The following BCAS3 variants were observed in gnomAD, a reference collection of about 807,000 sequenced individuals.
BCAS3 encodes BCAS3 microtubule associated cell migration factor.
BCAS3 carries 53 observed loss-of-function variants against 116.1 expected under a neutral mutation model. That is an observed-to-expected ratio of 0.46 (90% CI 0.37 to 0.57). The LOEUF (loss-of-function observed/expected upper bound fraction) is 0.57. Among genes scored for constraint, BCAS3 ranks in the 20% least tolerant of loss-of-function variants. The pLI is 0.00. For missense variants in BCAS3, 917 were observed against 1,165.4 expected, an observed-to-expected ratio of 0.79 and a Z score of 3.10; for synonymous variants, 391 against 408.2, an observed-to-expected ratio of 0.96 and a Z score of 0.51.
intron 6 of BCAS3, among the ~76,000 whole-genome samples, chr17:60,753,756 G>A (rs2042725901): frequency 6.6e-6 from 1 of 152,138 alleles, no homozygotes; most frequent in South Asian, 2.1e-4. Flanking sequence ...TGGTCAGGAA[G>A]TAGTTCTTCC....
chr17:60,950,983 A>C (rs1417206370), intron 14 of BCAS3, among the ~76,000 whole-genome samples: 2 of 152,186 alleles, frequency 1.3e-5, no homozygotes, highest in African/African-American at 4.8e-5. Flanking sequence ...ATTTTTATTT[A>C]AATTGCATTG....
Position 61,199,559 on chromosome 17 carries a change from C to T in BCAS3, c.2425+114995C>T, listed in dbSNP as rs1363282652. Among the ~76,000 whole-genome samples the T allele has an allele frequency of 6.6e-6, 1 of 152,132 alleles. No homozygotes were observed. Among genetic ancestry groups the T allele is most frequent in the Non-Finnish European group, 1.5e-5 (1 of 68,034 alleles). On this transcript the variant is annotated intron_variant, in intron 22 of 23. Coordinates refer to ENST00000407086, the MANE Select transcript of BCAS3 (RefSeq NM_017679.5). This position sits in a 1 kb window ranked among gnomAD's most constrained non-coding sequence, Gnocchi z 4.6. ...CCTTCTAATTTGTGCCCTGACTGCA[C>T]CTTGTGAAAGGTTAGAACTGGGATA...
intron 14 of BCAS3, among the ~76,000 whole-genome samples, chr17:60,976,020 C>CTTTATTTTTTTTTTTTT (rs2062325882): frequency 1.0e-5 from 1 of 98,286 alleles, no homozygotes; most frequent in Non-Finnish European, 1.8e-5. Context: ...TAGATTTTTG[C>CTTTATTTTTTTTTTTTT]TTTTTTTTTT....
chr17:60,860,603 A>G (rs1261005409), intron 7 of BCAS3, among the ~76,000 whole-genome samples: 1 of 152,132 alleles, frequency 6.6e-6, no homozygotes, highest in African/African-American at 2.4e-5. Context: ...TAGACTTTTT[A>G]TAGCATTATG....
At chr17:60,807,093 A>AT (rs905351479) in intron 6 of BCAS3, among the ~76,000 whole-genome samples, 73 of 150,788 alleles carry the variant, frequency 4.8e-4, no homozygotes, top group African/African-American at 1.5e-3. Context: ...TATTTTTGTT[A>AT]TTTTTTTTTG....
chr17:60,932,976 A>T (rs1431562947), intron 13 of BCAS3, among the ~76,000 whole-genome samples: 1 of 152,052 alleles, frequency 6.6e-6, no homozygotes, highest in Non-Finnish European at 1.5e-5. Flanking sequence ...GGAGTTCGAG[A>T]CCAGCCTGGC....
intron 22 of BCAS3, among the ~76,000 whole-genome samples, chr17:61,169,692 C>G (rs774584176): frequency 2.6e-5 from 4 of 152,016 alleles, no homozygotes; most frequent in Non-Finnish European, 4.4e-5. Context: ...ATTTTAAAGA[C>G]CATTTGATTT....
Position 61,361,442 on chromosome 17 carries a change from A to G in BCAS3, c.2426-6885A>G, listed in dbSNP as rs1037037334. The stretch of plus-strand genomic sequence containing the variant: ...TTTCCCTGGCTCAGGACCATGCGAT[A>G]TGATACACATAATATATAACATAAT... On this transcript the variant is annotated intron_variant, in intron 22 of 23. Coordinates refer to ENST00000407086, the MANE Select transcript of BCAS3 (RefSeq NM_017679.5). The surrounding 1 kb of genome is among the most constrained non-coding windows in gnomAD (Gnocchi z 6.5). 6.6e-6 allele frequency among the ~76,000 whole-genome samples: 1 copy of G among 152,198 alleles called. No homozygotes were observed. Among genetic ancestry groups the G allele is most frequent in the Middle Eastern group, 3.2e-3 (1 of 316 alleles).
At chr17:60,975,785 C>G (rs2062305653) in intron 14 of BCAS3, among the ~76,000 whole-genome samples, 1 of 152,140 alleles carries the variant, frequency 6.6e-6, no homozygotes, top group Admixed American at 6.5e-5. Context: ...AAAATGGAAT[C>G]ATACAATATG....
In BCAS3 at chr17:60,967,130, T is replaced by C. The variant is rs2061702871; in HGVS notation, c.1221+19778T>C. ...TATTTTGTGTTTCACCATGTACTTT[T>C]TACCAGTGGGTTTTATACCTTGAAA... On this transcript the variant is annotated intron_variant, in intron 14 of 23. Transcript: ENST00000407086. The surrounding 1 kb of genome is among the most constrained non-coding windows in gnomAD (Gnocchi z 4.7). 1.3e-5 allele frequency among the ~76,000 whole-genome samples: 2 copies of C among 152,252 alleles called. No homozygotes were observed. The highest frequency in any genetic ancestry group is 2.9e-5 in the Non-Finnish European group (2 of 68,042).
In BCAS3 at chr17:61,128,231, C is replaced by A; in HGVS notation, c.2425+43667C>A. On this transcript the variant is annotated intron_variant, in intron 22 of 23. Coordinates refer to ENST00000407086, the MANE Select transcript of BCAS3 (RefSeq NM_017679.5). This position sits in a 1 kb window ranked among gnomAD's most constrained non-coding sequence, Gnocchi z 4.1. ...CAAGGATGAGTACATGAAGATGAAG[C>A]CCATGCAATGAGGACAGCCTAGGCC... is the stretch of plus-strand genomic sequence containing the variant. The A allele has an allele frequency of 1.0e-6, 1 of 985,400 alleles. No individual in the cohort carries two copies. Among genetic ancestry groups the A allele is most frequent in the South Asian group, 4.7e-5 (1 of 21,284 alleles). 61.0% of individuals were successfully genotyped at this position (985,400 alleles called of 1,614,324 possible).
At chr17:61,090,508 T>G (rs940065240) in intron 22 of BCAS3, among the ~76,000 whole-genome samples, 3 of 152,242 alleles carry the variant, frequency 2.0e-5, no homozygotes, top group African/African-American at 7.2e-5. Context: ...AAATTAATTC[T>G]AATCTTTCGA....
At position 61,021,216 on chromosome 17, in the gene BCAS3, T is replaced by A. The variant is rs1380182008; in HGVS notation, c.1637+5315T>A. ...GACTACAAGTGGGTGTGTGCCACCA[T>A]GCCTGTCTAAGTTTTGTATTTTTTG... On this transcript the variant is annotated intron_variant, in intron 16 of 23. Transcript: ENST00000407086. The surrounding 1 kb of genome is among the most constrained non-coding windows in gnomAD (Gnocchi z 4.6). Among the ~76,000 whole-genome samples, 1 of 152,068 alleles carries A rather than the reference T, an allele frequency of 6.6e-6. No individual in the cohort carries two copies. The highest frequency in any genetic ancestry group is 2.4e-5 in the African/African-American group (1 of 41,392).
chr17:60,970,546 T>C lies in BCAS3; in HGVS notation c.1222-19425T>C, dbSNP rs186958026. On this transcript the variant is annotated intron_variant, in intron 14 of 23. Coordinates refer to ENST00000407086, the MANE Select transcript of BCAS3 (RefSeq NM_017679.5). ...TAAGAATATTGGAAATTCAACTATA[T>C]TAGTATCAACTAAAATAGAATTTAA... 4.6e-5 allele frequency among the ~76,000 whole-genome samples: 7 copies of C among 152,272 alleles called. No homozygotes were observed. The East Asian group carries it at 1.3e-3, about 29-fold the overall frequency.
At chr17:61,031,743 ACT>A (rs905017343) in intron 16 of BCAS3, among the ~76,000 whole-genome samples, 12 of 151,998 alleles carry the variant, frequency 7.9e-5, no homozygotes, top group Admixed American at 4.6e-4. Context: ...CAGGGTGAAA[ACT>A]CTTTTGACTC....
Position 61,128,487 on chromosome 17 carries a change from C to A in BCAS3, c.2425+43923C>A. 1.0e-6 allele frequency: 1 copy of A among 985,364 alleles called. No individual in the cohort carries two copies. The highest frequency in any genetic ancestry group is 4.7e-5 in the South Asian group (1 of 21,280). The allele number at this position is 985,364 out of a possible 1,614,324, so 61.0% of individuals were successfully genotyped here. A position where few individuals can be genotyped will look rare whatever the true frequency, so the allele number is the denominator to read the frequency against. On this transcript the variant is annotated intron_variant, in intron 22 of 23. Coordinates refer to ENST00000407086, the MANE Select transcript of BCAS3 (RefSeq NM_017679.5). The surrounding 1 kb of genome is among the most constrained non-coding windows in gnomAD (Gnocchi z 4.1). ...GGAGAATGTTCTGTGTTTTCAAAGACAGAGGTTAACAAGCAATGGACAAAC... is the reference window on the plus strand; with the variant it reads ...GGAGAATGTTCTGTGTTTTCAAAGAAAGAGGTTAACAAGCAATGGACAAAC...
In BCAS3 at chr17:61,021,827, A is replaced by G. The variant is rs1045526272; in HGVS notation, c.1637+5926A>G. Among the ~76,000 whole-genome samples, 3 of 152,242 alleles carry G rather than the reference A, an allele frequency of 2.0e-5. No homozygotes were observed. Among genetic ancestry groups the G allele is most frequent in the South Asian group, 2.1e-4 (1 of 4,836 alleles). Reference sequence around the variant, plus strand: ...GATATTGGCATATAGTAGGCCTTGCAGAAGGTCTATTCCTTATTTTAATTC... The same window carrying G: ...GATATTGGCATATAGTAGGCCTTGCGGAAGGTCTATTCCTTATTTTAATTC... On this transcript the variant is annotated intron_variant, in intron 16 of 23. Coordinates refer to ENST00000407086, the MANE Select transcript of BCAS3 (RefSeq NM_017679.5). The surrounding 1 kb of genome is among the most constrained non-coding windows in gnomAD (Gnocchi z 4.6).
chr17:61,097,246 T>A lies in BCAS3; in HGVS notation c.2425+12682T>A, dbSNP rs532579553. Among the ~76,000 whole-genome samples, 1 of 152,310 alleles carries A rather than the reference T, an allele frequency of 6.6e-6. No individual in the cohort carries two copies. Among genetic ancestry groups the A allele is most frequent in the East Asian group, 1.9e-4 (1 of 5,188 alleles). On this transcript the variant is annotated intron_variant, in intron 22 of 23. Coordinates refer to ENST00000407086, the MANE Select transcript of BCAS3 (RefSeq NM_017679.5). The surrounding 1 kb of genome is among the most constrained non-coding windows in gnomAD (Gnocchi z 4.0). ...CAGGCTGGAGTGCAGTGGCGCAATC[T>A]CGGCTCACTGCAAGCTCCACCTCCC... is the stretch of plus-strand genomic sequence containing the variant.
At chr17:61,072,753 A>G (rs2071561710) in intron 19 of BCAS3, among the ~76,000 whole-genome samples, 1 of 151,758 alleles carries the variant, frequency 6.6e-6, no homozygotes, top group African/African-American at 2.4e-5. Context: ...TTACTGACTT[A>G]ACCTTCCACT....
Sources: gnomAD v4.1 joint callset for allele counts (sites outside exome capture counted in the v4.1 genomes callset) on GRCh38, gnomAD v4.1.1 for gene constraint, Gnocchi (gnomAD v3.1) non-coding constraint, MANE v1.5 for transcripts, NCBI Gene and HGNC (gene_info 2026-07-23, HGNC 2026-07-21) for gene names.